WDR35: variants seen among roughly 807,000 people sequenced by gnomAD.
WDR35 encodes the protein WD repeat-containing protein 35.
Under a neutral mutation model 158.3 loss-of-function variants are expected in WDR35, and 118 were observed. That is an observed-to-expected ratio of 0.75 (90% CI 0.64 to 0.87). The LOEUF (loss-of-function observed/expected upper bound fraction) is 0.87, where lower values mean the gene tolerates loss of function less well. WDR35 is among the 40% of genes least tolerant of loss of function. The probability of loss-of-function intolerance (pLI) is 0.00; values close to 1 mark genes in which losing one functional copy is unlikely to be tolerated. For synonymous variants in WDR35, 448 were observed against 476.1 expected, an observed-to-expected ratio of 0.94 and a Z score of 0.77; for missense variants, 1,263 against 1,405.8, an observed-to-expected ratio of 0.90 and a Z score of 1.62.
intron 25 of WDR35, among the ~76,000 whole-genome samples, chr2:19,926,532 G>T (rs1016321601): frequency 6.6e-6 from 1 of 152,188 alleles, no homozygotes; most frequent in African/African-American, 2.4e-5. Context: ...GCTCAGTTAT[G>T]ATTTCATACA....
At chr2:19,946,775 A>AT (rs925438894) in intron 14 of WDR35, among the ~76,000 whole-genome samples, 8 of 151,980 alleles carry the variant, frequency 5.3e-5, no homozygotes, top group Admixed American at 1.3e-4. Flanking sequence ...AAGTATTCTA[A>AT]TTTTTTTTCA....
chr2:19,917,352 A>C (rs1238499902), intron 25 of WDR35, among the ~76,000 whole-genome samples: 1 of 152,068 alleles, frequency 6.6e-6, no homozygotes, highest in African/African-American at 2.4e-5. Context: ...AAGGATCACA[A>C]CTCCTCACCA....
chr2:19,938,063 A>C lies in WDR35; in HGVS notation c.2064-117T>G, dbSNP rs1347379748. ...TTATTTCTAGAGAAACATGGTGGAA[A>C]GTAACATATGCAAACATTTTTCAAA... On this transcript the variant is annotated intron_variant, in intron 18 of 26. Coordinates refer to ENST00000281405, the MANE Select transcript of WDR35 (RefSeq NM_020779.4). The C allele has an allele frequency of 3.6e-6, 5 of 1,407,250 alleles. No individual in the cohort carries two copies. The African/African-American group carries it at 7.2e-5, about 20-fold the overall frequency. 87.2% of individuals were successfully genotyped at this position (1,407,250 alleles called of 1,614,324 possible).
intron 5 of WDR35, 99 bp from the exon 6 acceptor site, chr2:19,975,762 G>T (rs1672189663): frequency 2.1e-6 from 3 of 1,432,414 alleles, no homozygotes; most frequent in Non-Finnish European, 2.9e-6. Context: ...ATTCTTCACA[G>T]CATTCATGCA....
At chr2:19,989,560 G>C (rs190445967) in intron 1 of WDR35, among the ~76,000 whole-genome samples, 1 of 152,176 alleles carries the variant, frequency 6.6e-6, no homozygotes, top group African/African-American at 2.4e-5. Flanking sequence ...GGGAGGACGG[G>C]GAGAGGGTAT....
chr2:19,980,907 A>G (rs1672362922), intron 3 of WDR35, 124 bp from the exon 4 acceptor site: 4 of 806,252 alleles, frequency 5.0e-6, no homozygotes, highest in Non-Finnish European at 8.1e-6. Flanking sequence ...CTAGTCTTTA[A>G]TATTCCTCAA....
intron 19 of WDR35, among the ~76,000 whole-genome samples, chr2:19,936,690 T>C (rs987984225): frequency 6.6e-6 from 1 of 152,194 alleles, no homozygotes; most frequent in African/African-American, 2.4e-5. Flanking sequence ...CTCAGAGAAT[T>C]TGCCCCTTTT....
Position 19,975,420 on chromosome 2 carries a change from CTT to C in WDR35, c.570+108_570+109del. ...AAAGAAAAAAAATCTGAATTGAAGA[CTT>C]TAATTACACAAACCGCCATAAAAAA... is the stretch of plus-strand genomic sequence containing the variant. On this transcript the variant is annotated intron_variant, in intron 6 of 26. Transcript: ENST00000281405. The C allele has an allele frequency of 3.2e-6, 4 of 1,240,030 alleles. No homozygotes were observed. The South Asian group carries it at 7.3e-5, about 23-fold the overall frequency. 76.8% of individuals were successfully genotyped at this position (1,240,030 alleles called of 1,614,324 possible). A position where few individuals can be genotyped will look rare whatever the true frequency, so the allele number is the denominator to read the frequency against.
chr2:19,935,755 T>C (rs1041923390), intron 20 of WDR35, 152 bp from the exon 21 acceptor site: 8 of 939,244 alleles, frequency 8.5e-6, no homozygotes, highest in South Asian at 1.8e-5. Context: ...AACATATAAA[T>C]GGGGAAAAAA....
chr2:19,952,608 G>T (rs141575402), intron 12 of WDR35, among the ~76,000 whole-genome samples: 97 of 152,146 alleles, frequency 6.4e-4, no homozygotes, highest in African/African-American at 2.1e-3. Context: ...GCAGGCCTCT[G>T]CTTATTATTG....
chr2:19,950,606 T>C (rs1268583006), intron 13 of WDR35, among the ~76,000 whole-genome samples: 1 of 152,198 alleles, frequency 6.6e-6, no homozygotes, highest in Non-Finnish European at 1.5e-5. Context: ...AAGCGACTGT[T>C]TCTTATTCAC....
chr2:19,965,645 C>T (rs541898017), intron 10 of WDR35, among the ~76,000 whole-genome samples: 12 of 152,296 alleles, frequency 7.9e-5, no homozygotes, highest in African/African-American at 2.6e-4. Flanking sequence ...AGAGTTCCCC[C>T]ACCCTCAGCT....
intron 7 of WDR35, among the ~76,000 whole-genome samples, chr2:19,974,186 G>A (rs1672123929): frequency 6.6e-6 from 1 of 152,062 alleles, no homozygotes; most frequent in African/African-American, 2.4e-5. Flanking sequence ...TGAGGCAGGT[G>A]GATCACGAGG....
chr2:19,931,138 C>A, intron 24 of WDR35, 131 bp downstream of exon 24: 1 of 1,047,426 alleles, frequency 9.5e-7, no homozygotes, highest in Non-Finnish European at 1.3e-6. Flanking sequence ...TCTTTTTCTT[C>A]ATATCATTTA....
intron 9 of WDR35, 75 bp downstream of exon 9, chr2:19,969,405 T>C (rs939387352): frequency 8.7e-6 from 13 of 1,491,396 alleles, no homozygotes; most frequent in Non-Finnish European, 1.2e-5. Context: ...AAGACAGCTT[T>C]GAATATACTT....
At chr2:19,927,467 A>C (rs1247965595) in intron 25 of WDR35, among the ~76,000 whole-genome samples, 2 of 152,156 alleles carry the variant, frequency 1.3e-5, no homozygotes, top group Non-Finnish European at 2.9e-5. Context: ...GTGCCATGCC[A>C]TACTTATGTT....
rs1572328958 is a variant in WDR35, at chr2:19,936,776, G to A, written c.2268-411C>T. Among the ~76,000 whole-genome samples the A allele has an allele frequency of 2.6e-5, 4 of 152,254 alleles. No homozygotes were observed. In the South Asian group the frequency reaches 8.3e-4, roughly 32 times the overall value. ...TGAAAGTGAGACAGGGCCCTCAACA[G>A]ACACCAAACTTGTTGACGCCTTGAT... On this transcript the variant is annotated intron_variant, in intron 19 of 26. Coordinates refer to ENST00000281405, the MANE Select transcript of WDR35 (RefSeq NM_020779.4).
chr2:19,983,903 T>A (rs989863243), intron 2 of WDR35, among the ~76,000 whole-genome samples: 38 of 152,114 alleles, frequency 2.5e-4, no homozygotes, highest in African/African-American at 8.4e-4. Flanking sequence ...TTTAATCTTT[T>A]AAAAATTGTA....
At chr2:19,958,007 CT>C (rs1428683510) in intron 11 of WDR35, among the ~76,000 whole-genome samples, 34 of 152,322 alleles carry the variant, frequency 2.2e-4, no homozygotes, top group Admixed American at 2.2e-3. Flanking sequence ...TATTTTAATG[CT>C]AAGGCATGAA....
Sources: allele counts gnomAD v4.1 joint callset (sites outside exome capture counted in the v4.1 genomes callset), GRCh38; gene constraint gnomAD v4.1.1; transcripts MANE v1.5; gene names NCBI Gene and HGNC (gene_info 2026-07-23, HGNC 2026-07-21).